The following GPHN variants were observed in gnomAD, a reference collection of about 807,000 sequenced individuals.
GPHN encodes the protein gephyrin.
In GPHN, 17 loss-of-function variants were observed where a neutral mutation model predicts 95.5. The ratio of observed to expected loss-of-function variants is 0.18; its 90% CI spans 0.12 to 0.27. The LOEUF is 0.27. Ranked by LOEUF, GPHN falls within the 10% of genes least tolerant of loss-of-function variation. The probability of loss-of-function intolerance (pLI) is 1.00; values close to 1 mark genes in which losing one functional copy is unlikely to be tolerated. For synonymous variants in GPHN, 320 were observed against 322.5 expected, an observed-to-expected ratio of 0.99 and a Z score of 0.08; for missense variants, 660 against 978.1, an observed-to-expected ratio of 0.67 and a Z score of 4.34.
chr14:66,604,596 C>A (rs2062422524), intron 1 of GPHN, among the ~76,000 whole-genome samples: 1 of 152,068 alleles, frequency 6.6e-6, no homozygotes, highest in Admixed American at 6.6e-5. Flanking sequence ...TTACTCTTTT[C>A]ATTAGAAAAA....
chr14:67,376,775 A>G, the GPHN span, among the ~76,000 whole-genome samples: 1 of 152,208 alleles, frequency 6.6e-6, no homozygotes, highest in Non-Finnish European at 1.5e-5. Context: ...AGTTATGTAG[A>G]TTCATAAACC....
the GPHN span, chr14:67,317,443 A>G: frequency 6.2e-7 from 1 of 1,612,234 alleles, no homozygotes; most frequent in Admixed American, 1.7e-5. Flanking sequence ...TAAAAAGAAG[A>G]GGAAAAAGGT....
intron 1 of GPHN, among the ~76,000 whole-genome samples, chr14:66,626,604 T>C (rs2063537049): frequency 6.6e-6 from 1 of 152,140 alleles, no homozygotes; most frequent in Admixed American, 6.5e-5. Flanking sequence ...GTTCTAGTTA[T>C]TGTTTTTTGG....
the GPHN span, among the ~76,000 whole-genome samples, chr14:67,468,507 T>G: frequency 2.0e-5 from 3 of 152,188 alleles, no homozygotes; most frequent in African/African-American, 7.2e-5. Flanking sequence ...AAGTCCTTAG[T>G]GTTAGCTCTC....
chr14:66,595,809 C>T (rs1423165125), intron 1 of GPHN, among the ~76,000 whole-genome samples: 3 of 152,126 alleles, frequency 2.0e-5, no homozygotes, highest in Non-Finnish European at 4.4e-5. Context: ...TCACCTGCAA[C>T]GTGGCAAGCA....
At chr14:66,743,858 G>A (rs908133608) in intron 2 of GPHN, among the ~76,000 whole-genome samples, 1 of 152,122 alleles carries the variant, frequency 6.6e-6, no homozygotes, top group African/African-American at 2.4e-5. Flanking sequence ...TGAAAAATTT[G>A]GGGATTTAGT....
intron 9 of GPHN, among the ~76,000 whole-genome samples, chr14:66,971,001 T>C (rs1037122128): frequency 2.0e-5 from 3 of 152,202 alleles, no homozygotes; most frequent in Non-Finnish European, 2.9e-5. Flanking sequence ...CCCAAATTAC[T>C]TCTGTTTATG....
At chr14:66,793,435 G>C (rs1022890645) in intron 3 of GPHN, among the ~76,000 whole-genome samples, 1 of 152,062 alleles carries the variant, frequency 6.6e-6, no homozygotes, top group South Asian at 2.1e-4. Context: ...ACCAGAAATG[G>C]GAAATAAGAT....
chr14:67,097,093 T>C, intron 12 of GPHN, among the ~76,000 whole-genome samples: 1 of 152,208 alleles, frequency 6.6e-6, no homozygotes, highest in East Asian at 1.9e-4. Flanking sequence ...TGAACATTTA[T>C]TTAACACCTA....
rs977759218 is a variant in GPHN, at chr14:67,181,107, C to T, written c.*170C>T. ...TAAATATCTTTTAAAGAAAAAAACACCTAAAAATAAATCTTAACAGAAAAT... is the reference window on the plus strand; with the variant it reads ...TAAATATCTTTTAAAGAAAAAAACATCTAAAAATAAATCTTAACAGAAAAT... On this transcript the variant is annotated 3_prime_UTR_variant, in exon 23 of 23. Transcript: ENST00000478722. The T allele has an allele frequency of 2.9e-6, 2 of 699,028 alleles. No homozygotes were observed. The highest frequency in any genetic ancestry group is 3.6e-5 in the African/African-American group (2 of 55,582). 43.3% of individuals were successfully genotyped at this position (699,028 alleles called of 1,614,324 possible).
intron 3 of GPHN, among the ~76,000 whole-genome samples, chr14:66,795,352 A>G (rs1186955192): frequency 6.6e-6 from 1 of 152,088 alleles, no homozygotes; most frequent in Admixed American, 6.5e-5. Flanking sequence ...TGACTCTTGT[A>G]AACATTTTTT....
the GPHN span, among the ~76,000 whole-genome samples, chr14:67,188,159 A>ACG: frequency 6.6e-6 from 1 of 152,168 alleles, no homozygotes; most frequent in Non-Finnish European, 1.5e-5. Context: ...GGCCCATCTC[A>ACG]TGAGGGACAA....
chr14:67,730,112 G>A, the GPHN span, among the ~76,000 whole-genome samples: 1 of 152,234 alleles, frequency 6.6e-6, no homozygotes, highest in African/African-American at 2.4e-5. Flanking sequence ...AGTTCTGAGT[G>A]TGTAATGTGT....
chr14:67,118,221 T>C (rs896166022), intron 16 of GPHN, among the ~76,000 whole-genome samples: 3 of 152,146 alleles, frequency 2.0e-5, no homozygotes, highest in African/African-American at 4.8e-5. Context: ...ACTCCTAAAG[T>C]GATGGCTGAG....
intron 10 of GPHN, among the ~76,000 whole-genome samples, chr14:67,041,352 T>C (rs555417881): frequency 6.6e-6 from 1 of 152,230 alleles, no homozygotes; most frequent in East Asian, 1.9e-4. Flanking sequence ...TTTCTCCTAA[T>C]GTTATCCCTC....
At chr14:67,251,657 G>C in the GPHN span, among the ~76,000 whole-genome samples, 295 of 152,284 alleles carry the variant, frequency 1.9e-3, no homozygotes, top group African/African-American at 6.6e-3. Flanking sequence ...CCTTAATATG[G>C]CTGTGATACA....
At chr14:67,680,279 A>G in the GPHN span, among the ~76,000 whole-genome samples, 1 of 152,240 alleles carries the variant, frequency 6.6e-6, no homozygotes, top group Non-Finnish European at 1.5e-5. Flanking sequence ...TTCCTAGTGA[A>G]AAGATCATCA....
At chr14:66,946,062 T>A (rs961750619) in intron 8 of GPHN, among the ~76,000 whole-genome samples, 1 of 152,162 alleles carries the variant, frequency 6.6e-6, no homozygotes, top group African/African-American at 2.4e-5. Context: ...TGGGATCAAA[T>A]TTTGAGTTAT....
intron 9 of GPHN, among the ~76,000 whole-genome samples, chr14:67,002,625 C>G (rs72730440): frequency 1.3e-5 from 2 of 151,212 alleles, no homozygotes; most frequent in Admixed American, 1.3e-4. Context: ...CTGTGCCTTA[C>G]TAACTTTGTG....
Sources: allele counts gnomAD v4.1 joint callset (sites outside exome capture counted in the v4.1 genomes callset), GRCh38; gene constraint gnomAD v4.1.1; transcripts MANE v1.5; gene names NCBI Gene and HGNC (gene_info 2026-07-23, HGNC 2026-07-21).